Variants in PRKN observed in about 807,000 individuals in gnomAD.
The protein encoded by PRKN is E3 ubiquitin-protein ligase parkin.
In PRKN, 56 loss-of-function variants were observed where a neutral mutation model predicts 59.5. The ratio of observed to expected loss-of-function variants is 0.94; its 90% CI spans 0.76 to 1.18. The LOEUF (loss-of-function observed/expected upper bound fraction) is 1.18, where lower values mean the gene tolerates loss of function less well. Ranked by LOEUF, PRKN falls within the 50% of genes most tolerant of loss-of-function variation. The pLI, the probability that PRKN is intolerant of heterozygous loss-of-function variation, is 0.00. For synonymous variants in PRKN, 250 were observed against 222.1 expected (o/e 1.13, Z -1.12); for missense variants, 657 against 596.4 (o/e 1.10, Z -1.06).
At chr6:162,062,274 T>C (rs1392911650) in intron 4 of PRKN, among the ~76,000 whole-genome samples, 2 of 152,156 alleles carry the variant, frequency 1.3e-5, no homozygotes, top group Non-Finnish European at 2.9e-5. Context: ...TGCAACAACA[T>C]TAACAATTCT....
At chr6:162,167,124 A>G (rs1193456348) in intron 4 of PRKN, among the ~76,000 whole-genome samples, 1 of 152,212 alleles carries the variant, frequency 6.6e-6, no homozygotes, top group Non-Finnish European at 1.5e-5. Context: ...GTTCTAGGAA[A>G]TTTAAAATGT....
In PRKN at chr6:162,197,935, A is replaced by G. The variant is rs1487848391; in HGVS notation, c.534+3196T>C. ...GTGTTAAACATAAACTAGAGACCCA[A>G]GCTGAAAGTTATCTGATCTTATAAC... On this transcript the variant is annotated intron_variant, in intron 4 of 11. Transcript: ENST00000366898. Among the ~76,000 whole-genome samples, 3 of 152,176 alleles carry G rather than the reference A, an allele frequency of 2.0e-5. No individual in the cohort carries two copies. The East Asian group carries it at 5.8e-4, about 29-fold the overall frequency.
intron 6 of PRKN, among the ~76,000 whole-genome samples, chr6:161,890,483 A>G (rs529591633): frequency 6.6e-6 from 1 of 152,308 alleles, no homozygotes; most frequent in African/African-American, 2.4e-5. Context: ...AATCTATGCT[A>G]TGCGTTCAGA....
At chr6:162,708,503 T>G (rs1778412349) in intron 1 of PRKN, among the ~76,000 whole-genome samples, 1 of 152,256 alleles carries the variant, frequency 6.6e-6, no homozygotes, top group African/African-American at 2.4e-5. Flanking sequence ...CTGCTTCCTT[T>G]GAAACAACCT....
chr6:162,417,087 T>C (rs1045138592), intron 2 of PRKN, among the ~76,000 whole-genome samples: 6 of 152,062 alleles, frequency 3.9e-5, no homozygotes, highest in African/African-American at 4.8e-5. Flanking sequence ...GTGAAGACAA[T>C]CAAACAACAC....
chr6:161,550,738 CGT>C lies in PRKN; in HGVS notation c.934-1737_934-1736del, dbSNP rs57908717. 1.2e-3 allele frequency among the ~76,000 whole-genome samples: 179 copies of C among 146,172 alleles called. 1 individual carries two copies. Among genetic ancestry groups the C allele is most frequent in the South Asian group, 3.9e-3 (18 of 4,592 alleles). ...AAGAAAGGGTATGTGTGTGTGTGCA[CGT>C]GTGTGTGTGTGTGTGTGTGTGTAGG... On this transcript the variant is annotated intron_variant, in intron 8 of 11. Coordinates refer to ENST00000366898, the MANE Select transcript of PRKN (RefSeq NM_004562.3). The surrounding 1 kb of genome is among the most constrained non-coding windows in gnomAD (Gnocchi z 4.0).
chr6:162,546,398 A>G (rs1408009486), intron 1 of PRKN, among the ~76,000 whole-genome samples: 2 of 150,530 alleles, frequency 1.3e-5, no homozygotes, highest in African/African-American at 4.9e-5. Flanking sequence ...CTACAGCACC[A>G]GGTCGGTGTG....
chr6:161,984,837 G>C (rs561032046), intron 5 of PRKN, among the ~76,000 whole-genome samples: 3 of 152,178 alleles, frequency 2.0e-5, no homozygotes, highest in East Asian at 1.9e-4. Flanking sequence ...CTATGGGACA[G>C]TTGTCAAAGT....
chr6:161,764,604 A>G (rs1208474343), intron 7 of PRKN, among the ~76,000 whole-genome samples: 2 of 152,218 alleles, frequency 1.3e-5, no homozygotes, highest in Non-Finnish European at 2.9e-5. Context: ...AGTTTTAAGA[A>G]TTCAGTAATT....
At chr6:162,727,586 G>T (rs1266284786) in intron 1 of PRKN, 76 bp downstream of exon 1, 3 of 1,472,080 alleles carry the variant, frequency 2.0e-6, no homozygotes, top group Admixed American at 3.8e-5. Flanking sequence ...GGTCCTGGTC[G>T]GCCGAGGCGG....
Position 161,409,356 on chromosome 6 carries a change from C to A in PRKN, c.1084-22479G>T, listed in dbSNP as rs748033049. On this transcript the variant is annotated intron_variant, in intron 9 of 11. Coordinates refer to ENST00000366898, the MANE Select transcript of PRKN (RefSeq NM_004562.3). This position sits in a 1 kb window ranked among gnomAD's most constrained non-coding sequence, Gnocchi z 4.6. ...TGACAGCATTGTGTGTTCTCTAAAGCGCCAGGTTATAACGGCCATATGTCT... is the reference window on the plus strand; with the variant it reads ...TGACAGCATTGTGTGTTCTCTAAAGAGCCAGGTTATAACGGCCATATGTCT... 6.6e-6 allele frequency among the ~76,000 whole-genome samples: 1 copy of A among 152,142 alleles called. No individual in the cohort carries two copies. The highest frequency in any genetic ancestry group is 2.4e-5 in the African/African-American group (1 of 41,414).
chr6:162,260,220 A>G (rs1779829509), intron 3 of PRKN, among the ~76,000 whole-genome samples: 1 of 152,176 alleles, frequency 6.6e-6, no homozygotes, highest in Non-Finnish European at 1.5e-5. Context: ...CAAGGCTGGC[A>G]GGCCACAAGA....
At chr6:162,609,439 T>A (rs1782048968) in intron 1 of PRKN, among the ~76,000 whole-genome samples, 1 of 152,222 alleles carries the variant, frequency 6.6e-6, no homozygotes, top group African/African-American at 2.4e-5. Context: ...AAGAGGAGTT[T>A]GTGGCTTTTA....
intron 2 of PRKN, among the ~76,000 whole-genome samples, chr6:162,273,259 G>A (rs1365316572): frequency 1.3e-5 from 2 of 152,042 alleles, no homozygotes; most frequent in African/African-American, 2.4e-5. Flanking sequence ...TAAAGGGATC[G>A]AATGGGAGCC....
At chr6:162,092,998 G>C (rs1311429855) in intron 4 of PRKN, among the ~76,000 whole-genome samples, 1 of 152,172 alleles carries the variant, frequency 6.6e-6, no homozygotes, top group East Asian at 1.9e-4. Context: ...GGACAGATTG[G>C]AACTGCCACC....
chr6:162,277,370 G>A (rs1337050622), intron 2 of PRKN, among the ~76,000 whole-genome samples: 1 of 152,192 alleles, frequency 6.6e-6, no homozygotes, highest in Non-Finnish European at 1.5e-5. Context: ...ATTTAGCAAT[G>A]AGGAGACAAT....
chr6:162,022,001 T>A (rs1282269494), intron 5 of PRKN, among the ~76,000 whole-genome samples: 1 of 152,176 alleles, frequency 6.6e-6, no homozygotes, highest in Non-Finnish European at 1.5e-5. Context: ...TGTAACTGCA[T>A]CCACGTCGCT....
chr6:161,755,465 G>A (rs1222907898), intron 7 of PRKN, among the ~76,000 whole-genome samples: 2 of 151,984 alleles, frequency 1.3e-5, no homozygotes, highest in Non-Finnish European at 2.9e-5. Flanking sequence ...GAAGGGTTAT[G>A]GATATATATT....
Position 161,579,245 on chromosome 6 carries a change from C to T in PRKN, c.872-9829G>A, listed in dbSNP as rs113834323. Among the ~76,000 whole-genome samples, 30 of 152,236 alleles carry T rather than the reference C, an allele frequency of 2.0e-4. No homozygotes were observed. Among genetic ancestry groups the T allele is most frequent in the Admixed American group, 1.2e-3 (18 of 15,300 alleles). On this transcript the variant is annotated intron_variant, in intron 7 of 11. Transcript: ENST00000366898. The surrounding 1 kb of genome is among the most constrained non-coding windows in gnomAD (Gnocchi z 4.2). The stretch of plus-strand genomic sequence containing the variant: ...AGTGAAAATGTCAATGTCTAGTTAA[C>T]GTTGGGGGAAAGAGAATCTGTGGGA...
Sources: gnomAD v4.1 joint callset for allele counts (sites outside exome capture counted in the v4.1 genomes callset) on GRCh38, gnomAD v4.1.1 for gene constraint, Gnocchi (gnomAD v3.1) non-coding constraint, MANE v1.5 for transcripts, NCBI Gene and HGNC (gene_info 2026-07-23, HGNC 2026-07-21) for gene names.